Variants in CSMD3 observed in about 807,000 individuals in gnomAD.
The protein encoded by CSMD3 is CUB and Sushi multiple domains 3, also known as CUB and sushi domain-containing protein 3.
A neutral mutation model predicts 435.2 loss-of-function variants in CSMD3; 177 were observed. The ratio of observed to expected loss-of-function variants is 0.41; its 90% confidence interval spans 0.36 to 0.46. The LOEUF is 0.46. Among genes scored for constraint, CSMD3 ranks in the 20% least tolerant of loss-of-function variants. CSMD3 has a pLI of 0.34. For missense variants in CSMD3, 4,265 were observed against 4,504.6 expected (o/e 0.95, Z 1.52); for synonymous variants, 1,656 against 1,520.5 (o/e 1.09, Z -2.07).
chr8:113,190,066 G>C (rs1410680676), intron 3 of CSMD3, among the ~76,000 whole-genome samples: 2 of 150,676 alleles, frequency 1.3e-5, no homozygotes, highest in Non-Finnish European at 3.0e-5. Flanking sequence ...TTATTAGGTT[G>C]GTGCAAAAGT....
intron 38 of CSMD3, among the ~76,000 whole-genome samples, chr8:112,366,882 A>G (rs1402685026): frequency 1.3e-5 from 2 of 152,222 alleles, no homozygotes; most frequent in Non-Finnish European, 2.9e-5. Flanking sequence ...ATTGCTTACA[A>G]AAGTGTCTTG....
At chr8:113,149,601 G>A (rs1023090209) in intron 4 of CSMD3, among the ~76,000 whole-genome samples, 2 of 151,894 alleles carry the variant, frequency 1.3e-5, no homozygotes, top group Non-Finnish European at 2.9e-5. Flanking sequence ...AAGTCTGACT[G>A]TGCAATGTCA....
At chr8:112,486,114 G>GTTTT (rs10955624) in intron 31 of CSMD3, among the ~76,000 whole-genome samples, 1 of 144,666 alleles carries the variant, frequency 6.9e-6, no homozygotes, top group Non-Finnish European at 1.5e-5. Flanking sequence ...ATTCTATCAG[G>GTTTT]TTTTTTTTTT....
At chr8:112,445,316 A>C (rs1202045036) in intron 32 of CSMD3, among the ~76,000 whole-genome samples, 1 of 152,148 alleles carries the variant, frequency 6.6e-6, no homozygotes, top group Non-Finnish European at 1.5e-5. Context: ...TTTTGTTGCT[A>C]TGAAGGACTA....
At chr8:112,876,973 CA>C (rs1331386648) in intron 10 of CSMD3, among the ~76,000 whole-genome samples, 1 of 152,040 alleles carries the variant, frequency 6.6e-6, no homozygotes, top group African/African-American at 2.4e-5. Flanking sequence ...AATAGACAAA[CA>C]GAGAGCCAAA....
rs779383935 is a variant in CSMD3 at position 112,971,688 on chromosome 8, G to T, written c.1342+4149C>A. 1.5e-4 allele frequency among the ~76,000 whole-genome samples: 23 copies of T among 152,216 alleles called. No homozygotes were observed. In the Middle Eastern group the frequency reaches 0.017, roughly 113 times the overall value. ...TTAAGTTCTCATTTTGAGGACTATT[G>T]TACACTAATACAGCAAAGTGAGGTG... is the stretch of plus-strand genomic sequence containing the variant. On this transcript the variant is annotated intron_variant, in intron 7 of 70. Transcript: ENST00000297405.
At chr8:113,001,468 T>C (rs1455640049) in intron 6 of CSMD3, among the ~76,000 whole-genome samples, 1 of 152,220 alleles carries the variant, frequency 6.6e-6, no homozygotes. Context: ...GCCTCAACTC[T>C]AATCTTCTCA....
At chr8:112,342,532 A>G (rs1825220934) in intron 41 of CSMD3, among the ~76,000 whole-genome samples, 1 of 152,136 alleles carries the variant, frequency 6.6e-6, no homozygotes, top group Admixed American at 6.6e-5. Context: ...TAAGTGATTT[A>G]TATATGCTAA....
At chr8:112,991,008 T>C (rs932928479) in intron 6 of CSMD3, among the ~76,000 whole-genome samples, 2 of 151,948 alleles carry the variant, frequency 1.3e-5, no homozygotes, top group African/African-American at 2.4e-5. Flanking sequence ...TCGGGTCATC[T>C]CTAAAGAAAA....
intron 1 of CSMD3, among the ~76,000 whole-genome samples, chr8:113,339,321 T>C (rs1186703972): frequency 6.6e-6 from 1 of 151,920 alleles, no homozygotes; most frequent in Non-Finnish European, 1.5e-5. Context: ...AATAAGTACA[T>C]CAAAAATCCC....
At chr8:112,440,811 C>G (rs553577577) in intron 32 of CSMD3, among the ~76,000 whole-genome samples, 1 of 152,306 alleles carries the variant, frequency 6.6e-6, no homozygotes, top group Admixed American at 6.5e-5. Flanking sequence ...GCTGAAGCAG[C>G]TGGGATGCAG....
chr8:112,597,671 G>C (rs1184305280), intron 22 of CSMD3, among the ~76,000 whole-genome samples: 2 of 132,658 alleles, frequency 1.5e-5, no homozygotes, highest in Non-Finnish European at 3.2e-5. Context: ...TATCCACCAT[G>C]ATCAAGTGGG....
chr8:113,230,762 T>C (rs946717368), intron 3 of CSMD3, among the ~76,000 whole-genome samples: 1 of 151,590 alleles, frequency 6.6e-6, no homozygotes, highest in African/African-American at 2.4e-5. Context: ...TGTTGGTTTT[T>C]TATGTTTGAA....
chr8:113,274,926 G>A (rs1044902967), intron 3 of CSMD3, among the ~76,000 whole-genome samples: 2 of 151,844 alleles, frequency 1.3e-5, no homozygotes, highest in Non-Finnish European at 2.9e-5. Context: ...GAGAGAATGT[G>A]TGATTACTTC....
chr8:112,410,684 A>G (rs1358920410), intron 32 of CSMD3, among the ~76,000 whole-genome samples: 3 of 135,960 alleles, frequency 2.2e-5, no homozygotes, highest in Non-Finnish European at 3.1e-5. Flanking sequence ...GTGTATATAT[A>G]TATGTATATA....
chr8:112,945,647 G>A (rs905915536), intron 9 of CSMD3, among the ~76,000 whole-genome samples: 1 of 143,638 alleles, frequency 7.0e-6, no homozygotes, highest in Non-Finnish European at 1.5e-5. Context: ...AGTTTTAAAT[G>A]TTGTCTCCAT....
chr8:112,972,611 T>C (rs1483743739), intron 7 of CSMD3, among the ~76,000 whole-genome samples: 2 of 151,996 alleles, frequency 1.3e-5, no homozygotes, highest in Non-Finnish European at 2.9e-5. Flanking sequence ...AAAATGTAGT[T>C]ATCTTTAATA....
rs545595544 is a variant in CSMD3, at chr8:112,617,214, G to C, written c.3715+19603C>G. Among the ~76,000 whole-genome samples the C allele has an allele frequency of 1.5e-4, 23 of 152,220 alleles. No homozygotes were observed. The South Asian group carries it at 4.8e-3, about 32-fold the overall frequency. ...AAATAATATAGATTATGTATAGTTAGGTAAGCAATAGATTAATATTAAATG... is the reference window on the plus strand; with the variant it reads ...AAATAATATAGATTATGTATAGTTACGTAAGCAATAGATTAATATTAAATG... On this transcript the variant is annotated intron_variant, in intron 22 of 70. Transcript: ENST00000297405.
chr8:112,606,972 G>GAAAAAAAAAAAAAAAAAA (rs71309778), intron 22 of CSMD3, among the ~76,000 whole-genome samples: 2 of 36,644 alleles, frequency 5.5e-5, no homozygotes, highest in Non-Finnish European at 9.4e-5. Flanking sequence ...CTCAAGCTAT[G>GAAAAAAAAAAAAAAAAAA]AAAAAAAAAA....
Sources: allele counts gnomAD v4.1 joint callset (sites outside exome capture counted in the v4.1 genomes callset), GRCh38; gene constraint gnomAD v4.1.1; transcripts MANE v1.5; gene names NCBI Gene and HGNC (gene_info 2026-07-23, HGNC 2026-07-21).